KCNQ3: variants seen among roughly 807,000 people sequenced by gnomAD.
KCNQ3 encodes potassium voltage-gated channel subfamily Q member 3, also known as potassium voltage-gated channel subfamily KQT member 3.
Under a neutral mutation model 92.5 loss-of-function variants are expected in KCNQ3, and 30 were observed. The ratio of observed to expected loss-of-function variants is 0.32; its 90% CI spans 0.24 to 0.44. The LOEUF is 0.44. KCNQ3 is among the 20% of genes least tolerant of loss of function. The pLI is 1.00. For missense variants in KCNQ3, 913 were observed against 1,140.3 expected (o/e 0.80, Z 2.87); for synonymous variants, 450 against 468.8 (o/e 0.96, Z 0.52).
intron 1 of KCNQ3, among the ~76,000 whole-genome samples, chr8:132,320,057 T>C (rs939949876): frequency 1.3e-5 from 2 of 152,226 alleles, no homozygotes; most frequent in Admixed American, 6.5e-5. Flanking sequence ...AATAAACCCA[T>C]AGATTTTATT....
chr8:132,432,192 G>A (rs928272327), intron 1 of KCNQ3, among the ~76,000 whole-genome samples: 1 of 152,154 alleles, frequency 6.6e-6, no homozygotes, highest in Non-Finnish European at 1.5e-5. Flanking sequence ...AGCAGCACCT[G>A]GGATGGGATG....
At chr8:132,268,591 A>G (rs1465280614) in intron 1 of KCNQ3, among the ~76,000 whole-genome samples, 4 of 152,212 alleles carry the variant, frequency 2.6e-5, no homozygotes, top group Admixed American at 2.6e-4. Flanking sequence ...TTAGTAGTAC[A>G]TTGTCTGAAT....
intron 1 of KCNQ3, among the ~76,000 whole-genome samples, chr8:132,217,725 A>C (rs1343135801): frequency 2.0e-5 from 3 of 151,356 alleles, no homozygotes; most frequent in Non-Finnish European, 4.4e-5. Context: ...AAAAAAAAAA[A>C]AAAAACAAAA....
chr8:132,379,595 A>G (rs964413393), intron 1 of KCNQ3, among the ~76,000 whole-genome samples: 3 of 152,142 alleles, frequency 2.0e-5, no homozygotes, highest in Non-Finnish European at 4.4e-5. Flanking sequence ...CGTGTTTGGC[A>G]TCTTCTAATT....
intron 1 of KCNQ3, among the ~76,000 whole-genome samples, chr8:132,349,079 A>G (rs1818782263): frequency 6.6e-6 from 1 of 152,234 alleles, no homozygotes; most frequent in Non-Finnish European, 1.5e-5. Context: ...AGGCTGAGCT[A>G]GATGGTCCTG....
intron 1 of KCNQ3, among the ~76,000 whole-genome samples, chr8:132,407,374 T>C (rs572314931): frequency 6.6e-6 from 1 of 152,318 alleles, no homozygotes; most frequent in South Asian, 2.1e-4. Context: ...AAGTGATTGA[T>C]TTTTCTCTCC....
intron 1 of KCNQ3, among the ~76,000 whole-genome samples, chr8:132,374,796 G>A (rs1381459350): frequency 6.6e-6 from 1 of 151,886 alleles, no homozygotes; most frequent in Non-Finnish European, 1.5e-5. Flanking sequence ...TCTGTTCCTG[G>A]GTTAGTTTGC....
chr8:132,390,852 C>A (rs555413665), intron 1 of KCNQ3, among the ~76,000 whole-genome samples: 62 of 152,172 alleles, frequency 4.1e-4, no homozygotes, highest in Admixed American at 1.4e-3. Context: ...CATTTCGTTT[C>A]TTAAATAAGA....
chr8:132,217,646 G>A (rs1389416056), intron 1 of KCNQ3, among the ~76,000 whole-genome samples: 2 of 146,272 alleles, frequency 1.4e-5, no homozygotes, highest in African/African-American at 5.2e-5. Flanking sequence ...GGGAGGTGGA[G>A]CTTGCAGTGA....
intron 1 of KCNQ3, among the ~76,000 whole-genome samples, chr8:132,435,358 C>CG (rs1425750563): frequency 1.3e-5 from 2 of 152,160 alleles, no homozygotes; most frequent in Non-Finnish European, 2.9e-5. Flanking sequence ...TCAGAGCCAC[C>CG]GTGCCAGCCG....
At chr8:132,131,557 T>C (rs1035117067) in intron 14 of KCNQ3, among the ~76,000 whole-genome samples, 2 of 152,142 alleles carry the variant, frequency 1.3e-5, no homozygotes, top group African/African-American at 4.8e-5. Flanking sequence ...AAATGCTTGA[T>C]AATTGTAGCT....
At chr8:132,225,088 G>GA (rs372867553) in intron 1 of KCNQ3, among the ~76,000 whole-genome samples, 212 of 152,304 alleles carry the variant, frequency 1.4e-3, no homozygotes, top group African/African-American at 5.0e-3. Context: ...TGCAAATCAG[G>GA]AAAAAATCTG....
At chr8:132,263,347 G>C (rs1436554102) in intron 1 of KCNQ3, among the ~76,000 whole-genome samples, 1 of 152,182 alleles carries the variant, frequency 6.6e-6, no homozygotes, top group African/African-American at 2.4e-5. Context: ...TCCCATCTCT[G>C]GGCCTGGGGC....
In KCNQ3 at chr8:132,371,981, G is replaced by A. The variant is rs893782922; in HGVS notation, c.386+108166C>T. Among the ~76,000 whole-genome samples the A allele has an allele frequency of 1.1e-4, 16 of 152,248 alleles. No homozygotes were observed. In the East Asian group the frequency reaches 2.7e-3, roughly 26 times the overall value. On this transcript the variant is annotated intron_variant, in intron 1 of 14. Coordinates refer to ENST00000388996, the MANE Select transcript of KCNQ3 (RefSeq NM_004519.4). ...TTAAGATACCGTTTTGCACAGGGTA[G>A]GTACAAAGTCTCGGTCAAGCCTTGC...
intron 1 of KCNQ3, among the ~76,000 whole-genome samples, chr8:132,284,021 G>A (rs1175683917): frequency 1.3e-5 from 2 of 152,140 alleles, no homozygotes; most frequent in Admixed American, 1.3e-4. Context: ...GCCAGATGAG[G>A]AACCATACAT....
At chr8:132,150,068 C>A (rs1313048359) in intron 9 of KCNQ3, among the ~76,000 whole-genome samples, 1 of 124,144 alleles carries the variant, frequency 8.1e-6, no homozygotes, top group Non-Finnish European at 1.7e-5. Context: ...GACTTTTAAA[C>A]AAAGCTTTTT....
intron 1 of KCNQ3, among the ~76,000 whole-genome samples, chr8:132,236,528 G>T (rs1054731544): frequency 1.3e-5 from 2 of 152,314 alleles, no homozygotes; most frequent in African/African-American, 4.8e-5. Flanking sequence ...CACTGTCAAT[G>T]AATGTCTGCC....
intron 1 of KCNQ3, among the ~76,000 whole-genome samples, chr8:132,241,216 C>T (rs879916421): frequency 2.6e-5 from 4 of 152,056 alleles, no homozygotes; most frequent in Non-Finnish European, 5.9e-5. Flanking sequence ...TTCTTATAAC[C>T]ATTTTACAGA....
chr8:132,366,917 G>C (rs562639985), intron 1 of KCNQ3, among the ~76,000 whole-genome samples: 2 of 151,982 alleles, frequency 1.3e-5, no homozygotes, highest in African/African-American at 4.8e-5. Flanking sequence ...TTCTATTTTG[G>C]GGACCTCTTC....
Sources: allele counts gnomAD v4.1 joint callset (sites outside exome capture counted in the v4.1 genomes callset), GRCh38; gene constraint gnomAD v4.1.1; transcripts MANE v1.5; gene names NCBI Gene and HGNC (gene_info 2026-07-23, HGNC 2026-07-21).